The following EVC2 variants were observed in gnomAD, a reference collection of about 807,000 sequenced individuals.
The protein encoded by EVC2 is EvC ciliary complex subunit 2, also known as limbin.
Under a neutral mutation model 149.3 loss-of-function variants are expected in EVC2, and 148 were observed. The observed-to-expected ratio is 0.99, with a 90% CI of 0.87 to 1.14. The LOEUF (loss-of-function observed/expected upper bound fraction) is 1.14, where lower values mean the gene tolerates loss of function less well. EVC2 is among the 50% of genes most tolerant of loss of function. EVC2 has a pLI of 0.00. For missense variants in EVC2, 1,854 were observed against 1,627.3 expected, an observed-to-expected ratio of 1.14 and a Z score of -2.40; for synonymous variants, 776 against 649.9, an observed-to-expected ratio of 1.19 and a Z score of -2.95.
chr4:5,570,172 A>G (rs1722560888), intron 19 of EVC2, among the ~76,000 whole-genome samples: 2 of 152,136 alleles, frequency 1.3e-5, no homozygotes, highest in South Asian at 4.1e-4. Context: ...GAAGTCAGTG[A>G]CACACGCTTC....
intron 1 of EVC2, among the ~76,000 whole-genome samples, chr4:5,706,413 C>CATAG (rs1372054169): frequency 0.033 from 512 of 15,408 alleles, 31 homozygotes; most frequent in East Asian, 0.071. Flanking sequence ...TAGATAGATA[C>CATAG]ATAGATAGAT....
rs562734634 is a variant in EVC2, at chr4:5,589,956, T to A, written c.2830-5106A>T. ...GGGTTCCATAAGGGAGGTCTGTATA[T>A]GGTGCTATGTGGTTTAGAGAAAAGA... On this transcript the variant is annotated intron_variant, in intron 16 of 21. Coordinates refer to ENST00000344408, the MANE Select transcript of EVC2 (RefSeq NM_147127.5). 2.6e-5 allele frequency among the ~76,000 whole-genome samples: 4 copies of A among 152,244 alleles called. No individual in the cohort carries two copies. In the South Asian group the frequency reaches 8.3e-4, roughly 32 times the overall value.
In EVC2 at chr4:5,625,957, G is replaced by A; in HGVS notation, c.1887-49C>T. On this transcript the variant is annotated intron_variant, in intron 12 of 21. Coordinates refer to ENST00000344408, the MANE Select transcript of EVC2 (RefSeq NM_147127.5). This position sits in a 1 kb window ranked among gnomAD's most constrained non-coding sequence, Gnocchi z 4.0. ...AGGAATGTGGTCTCCAAACTCACCTGTAGCTTAACTGCTATTGTGCCTGAA... is the reference window on the plus strand; with the variant it reads ...AGGAATGTGGTCTCCAAACTCACCTATAGCTTAACTGCTATTGTGCCTGAA... The A allele has an allele frequency of 1.2e-6, 2 of 1,606,294 alleles. No individual in the cohort carries two copies. Among genetic ancestry groups the A allele is most frequent in the Non-Finnish European group, 1.7e-6 (2 of 1,174,720 alleles).
chr4:5,653,929 A>G (rs527691138), intron 9 of EVC2, among the ~76,000 whole-genome samples: 1 of 152,266 alleles, frequency 6.6e-6, no homozygotes, highest in Admixed American at 6.5e-5. Context: ...GAGGCTGAAA[A>G]CAGGCCGGGC....
chr4:5,539,356 TC>T (rs148568115), downstream of EVC2, among the ~76,000 whole-genome samples: 14,911 of 152,188 alleles, frequency 0.098, 890 homozygotes, highest in South Asian at 0.29. Context: ...ATGTAAATTC[TC>T]CCTAAACTGA....
downstream of EVC2, among the ~76,000 whole-genome samples, chr4:5,561,999 T>C (rs560853709): frequency 6.6e-6 from 1 of 152,284 alleles, no homozygotes; most frequent in East Asian, 1.9e-4. Flanking sequence ...CAGTGAGATA[T>C]TACTGGCCTC....
the EVC2 span, among the ~76,000 whole-genome samples, chr4:5,530,217 C>T: frequency 6.6e-6 from 1 of 152,128 alleles, no homozygotes; most frequent in African/African-American, 2.4e-5. Context: ...CGGATGGATG[C>T]CAGGCTTCCA....
Position 5,670,382 on chromosome 4 carries a change from A to G in EVC2, c.871-4733T>C, listed in dbSNP as rs1238521825. Among the ~76,000 whole-genome samples, 1 of 151,580 alleles carries G rather than the reference A, an allele frequency of 6.6e-6. No individual in the cohort carries two copies. The highest frequency in any genetic ancestry group is 2.4e-5 in the African/African-American group (1 of 41,216). Reference sequence around the variant, plus strand: ...ACCACCATCACCACCATCATTATCAACATCATCAATATCTCCATCATTTTC... The same window carrying G: ...ACCACCATCACCACCATCATTATCAGCATCATCAATATCTCCATCATTTTC... On this transcript the variant is annotated intron_variant, in intron 7 of 21. Transcript: ENST00000344408. This position sits in a 1 kb window ranked among gnomAD's most constrained non-coding sequence, Gnocchi z 5.2.
At chr4:5,690,781 C>G (rs888306919) in intron 4 of EVC2, among the ~76,000 whole-genome samples, 1 of 152,106 alleles carries the variant, frequency 6.6e-6, no homozygotes, top group South Asian at 2.1e-4. Context: ...AATCTATACC[C>G]TTTCTCTGTA....
In EVC2 at chr4:5,689,214, A is replaced by G; in HGVS notation, c.649T>C (p.Ser217Pro). ...CCTTCCGAGGTCCTGTTTCCCACAG[A>G]GTCCCAAATGGTGAGACCAGCAATG... is the stretch of plus-strand genomic sequence containing the variant. The part of the protein sequence containing the change: ...DSIAGLTIWD[S>P]VGNRTSEGFQ... Residue 217 changes from serine (S) to proline (P), a missense_variant, in exon 5 of 22, where the codon TCT becomes CCT. Ser to Pro is a moderately conservative substitution (Grantham distance 74, BLOSUM62 -1). Coordinates refer to ENST00000344408, the MANE Select transcript of EVC2 (RefSeq NM_147127.5). The G allele has an allele frequency of 3.7e-6, 6 of 1,614,238 alleles. No individual in the cohort carries two copies. Among genetic ancestry groups the G allele is most frequent in the Non-Finnish European group, 5.1e-6 (6 of 1,180,048 alleles).
chr4:5,596,757 T>A (rs1713457445), intron 16 of EVC2, among the ~76,000 whole-genome samples: 1 of 152,038 alleles, frequency 6.6e-6, no homozygotes, highest in Non-Finnish European at 1.5e-5. Flanking sequence ...CAAAAAACCC[T>A]TCAAAAAATC....
At chr4:5,580,034 G>A (rs1281499565) in intron 17 of EVC2, among the ~76,000 whole-genome samples, 1 of 152,172 alleles carries the variant, frequency 6.6e-6, no homozygotes, top group Non-Finnish European at 1.5e-5. Context: ...CCTTGCATAT[G>A]TTCCAATTTT....
chr4:5,623,883 G>A (rs890806940), intron 13 of EVC2, among the ~76,000 whole-genome samples: 4 of 152,112 alleles, frequency 2.6e-5, no homozygotes, highest in African/African-American at 9.7e-5. Context: ...AAGATTATGC[G>A]AGTTACTTAA....
intron 2 of EVC2, 91 bp from the exon 3 acceptor site, chr4:5,694,592 G>A (rs1286351826): frequency 2.0e-6 from 3 of 1,467,474 alleles, no homozygotes; most frequent in Admixed American, 3.4e-5. Context: ...AGGGTACATG[G>A]AAGGTACTTA....
At chr4:5,594,853 A>C (rs2108801809) in intron 16 of EVC2, among the ~76,000 whole-genome samples, 1 of 152,192 alleles carries the variant, frequency 6.6e-6, no homozygotes, top group East Asian at 1.9e-4. Context: ...AACTAGAATA[A>C]CCAATAGAGA....
At chr4:5,587,056 A>G (rs983158158) in intron 16 of EVC2, among the ~76,000 whole-genome samples, 6 of 152,210 alleles carry the variant, frequency 3.9e-5, no homozygotes, top group Non-Finnish European at 8.8e-5. Context: ...ACATACGTTA[A>G]AAACGTCACA....
chr4:5,534,846 G>C, the EVC2 span, among the ~76,000 whole-genome samples: 1 of 140,052 alleles, frequency 7.1e-6, no homozygotes, highest in East Asian at 2.1e-4. Context: ...AAAAAAGCTA[G>C]ATTCCTATTT....
At chr4:5,535,228 G>C in the EVC2 span, among the ~76,000 whole-genome samples, 1 of 152,126 alleles carries the variant, frequency 6.6e-6, no homozygotes, top group Admixed American at 6.5e-5. The surrounding 1 kb of genome is among the most constrained non-coding windows in gnomAD (Gnocchi z 4.7). Flanking sequence ...CAACTGGGAG[G>C]CTGGACCCCC....
chr4:5,579,226 C>T (rs897282825), intron 17 of EVC2, among the ~76,000 whole-genome samples: 1 of 152,076 alleles, frequency 6.6e-6, no homozygotes, highest in Non-Finnish European at 1.5e-5. Context: ...GGAACATGGG[C>T]TTTGGAGGCA....
Sources: allele counts gnomAD v4.1 joint callset (sites outside exome capture counted in the v4.1 genomes callset), GRCh38; gene constraint gnomAD v4.1.1; non-coding constraint Gnocchi (gnomAD v3.1); transcripts MANE v1.5; gene names NCBI Gene and HGNC (gene_info 2026-07-23, HGNC 2026-07-21).